The following MRE11 variants were observed in gnomAD, a reference collection of about 807,000 sequenced individuals.
MRE11 encodes MRE11 double strand break repair nuclease, also known as double-strand break repair protein MRE11.
MRE11 carries 62 observed loss-of-function variants against 91.7 expected under a neutral mutation model. The observed-to-expected ratio is 0.68, with a 90% confidence interval of 0.55 to 0.84. The LOEUF (loss-of-function observed/expected upper bound fraction) is 0.84. MRE11 is among the 40% of genes least tolerant of loss of function. The pLI, the probability that MRE11 is intolerant of heterozygous loss-of-function variation, is 0.00. For missense variants in MRE11, 796 were observed against 852.9 expected (o/e 0.93, Z 0.83); for synonymous variants, 273 against 271.4 (o/e 1.01, Z -0.06).
At chr11:94,489,303 A>C (rs1591724308) in intron 3 of MRE11, among the ~76,000 whole-genome samples, 1 of 151,900 alleles carries the variant, frequency 6.6e-6, no homozygotes, top group East Asian at 1.9e-4. Flanking sequence ...AGGGCCTCAG[A>C]GTAGAACATG....
chr11:94,475,560 G>C, intron 7 of MRE11: 1 of 455,198 alleles, frequency 2.2e-6, no homozygotes, highest in Non-Finnish European at 4.4e-6. Context: ...TTTTACTGCA[G>C]TGATCAGATA....
chr11:94,421,339 A>T (rs780496857), intron 19 of MRE11, among the ~76,000 whole-genome samples: 5 of 152,222 alleles, frequency 3.3e-5, no homozygotes, highest in Non-Finnish European at 5.9e-5. Context: ...AGCTAAATTA[A>T]CTATCTCTGA....
intron 10 of MRE11, among the ~76,000 whole-genome samples, chr11:94,464,804 A>G (rs1266486540): frequency 6.6e-6 from 1 of 152,206 alleles, no homozygotes. Context: ...AGAAGTCTGT[A>G]GTGGTAAACA....
chr11:94,423,727 T>TTC (rs2134753457), intron 19 of MRE11, among the ~76,000 whole-genome samples: 1 of 152,330 alleles, frequency 6.6e-6, no homozygotes, highest in East Asian at 1.9e-4. Context: ...CTGGGAGCAT[T>TTC]TCAGATTCCC....
rs556034234 is a variant in MRE11, at chr11:94,416,964, AT to A, written c.*3160del. The A allele has an allele frequency of 6.6e-6, 1 of 151,544 alleles. No homozygotes were observed. Among genetic ancestry groups the A allele is most frequent in the Non-Finnish European group, 1.5e-5 (1 of 67,920 alleles). 9.4% of individuals were successfully genotyped at this position (151,544 alleles called of 1,614,324 possible). A position where few individuals can be genotyped will look rare whatever the true frequency, so the allele number is the denominator to read the frequency against. The stretch of plus-strand genomic sequence containing the variant: ...TAAATTCTATATTTCCAAAAAAGAT[AT>A]TTTACATTTAGATACTTTTTTTTTT... On this transcript the variant is annotated 3_prime_UTR_variant, in exon 20 of 20. Transcript: ENST00000323929.
intron 11 of MRE11, among the ~76,000 whole-genome samples, chr11:94,461,809 C>T (rs1946422907): frequency 6.6e-6 from 1 of 152,310 alleles, no homozygotes; most frequent in African/African-American, 2.4e-5. Context: ...GGCGCGGTGG[C>T]TCACGCCTGT....
chr11:94,456,432 T>C (rs1480550028), intron 13 of MRE11, 94 bp from the exon 14 acceptor site: 2 of 974,008 alleles, frequency 2.1e-6, no homozygotes, highest in Non-Finnish European at 3.2e-6. Flanking sequence ...CTTTATGTTA[T>C]AAAACTTGCA....
chr11:94,473,300 C>G (rs1946765130), intron 7 of MRE11: 1 of 152,100 alleles, frequency 6.6e-6, no homozygotes, highest in African/African-American at 2.4e-5. Context: ...CCAAATACAA[C>G]ATGATGCCAT....
intron 14 of MRE11, among the ~76,000 whole-genome samples, chr11:94,451,518 G>C (rs1946105538): frequency 6.6e-6 from 1 of 152,050 alleles, no homozygotes. Flanking sequence ...ACAAAGAACT[G>C]CGTGCACAAA....
At position 94,485,917 on chromosome 11, in the gene MRE11, T is replaced by C; in HGVS notation, c.314+7A>G. 1.2e-6 allele frequency: 2 copies of C among 1,611,650 alleles called. No homozygotes were observed. Among genetic ancestry groups the C allele is most frequent in the Non-Finnish European group, 1.7e-6 (2 of 1,179,386 alleles). On this transcript the variant is annotated splice_region_variant and intron_variant, in intron 4 of 19. Transcript: ENST00000323929. ...AATCACTCACTCAAGTAAATAAATA[T>C]ACTTACTTACTAAAACCAAAGTTGA...
chr11:94,418,498 A>T lies in MRE11; in HGVS notation c.*1627T>A. On this transcript the variant is annotated 3_prime_UTR_variant, in exon 20 of 20. Coordinates refer to ENST00000323929, the MANE Select transcript of MRE11 (RefSeq NM_005591.4). ...CCCAGACCCACCTAACTGATGCATG[A>T]GAAGAGCCACTAGCTGATGTGGCCC... 4.3e-6 allele frequency: 1 copy of T among 232,610 alleles called. No individual in the cohort carries two copies. The highest frequency in any genetic ancestry group is 6.1e-5 in the East Asian group (1 of 16,498). The allele number at this position is 232,610 out of a possible 1,614,324, so 14.4% of individuals were successfully genotyped here.
rs1945414984 is a variant in MRE11, at chr11:94,429,831, T to A, written c.2070+80A>T. 7.3e-6 allele frequency: 9 copies of A among 1,238,990 alleles called. No individual in the cohort carries two copies. In the South Asian group the frequency reaches 1.3e-4, roughly 18 times the overall value. The allele number at this position is 1,238,990 out of a possible 1,614,324, so 76.7% of individuals were successfully genotyped here. On this transcript the variant is annotated intron_variant, in intron 19 of 19. Transcript: ENST00000323929. ...AAGTTATTTATCAAAGAAAAAAAAG[T>A]TCAGCAACTAGCTGGCAGTCTCTAT...
chr11:94,436,877 C>A (rs1319486239), intron 17 of MRE11, among the ~76,000 whole-genome samples: 2 of 152,174 alleles, frequency 1.3e-5, no homozygotes, highest in African/African-American at 4.8e-5. Flanking sequence ...CCATTGAACT[C>A]ACCTTCAATA....
At chr11:94,491,512 G>A (rs1287385533) in intron 2 of MRE11, among the ~76,000 whole-genome samples, 1 of 152,094 alleles carries the variant, frequency 6.6e-6, no homozygotes, top group African/African-American at 2.4e-5. Flanking sequence ...ATATTCAAAG[G>A]TACTTTAATG....
At chr11:94,490,632 C>G (rs1331479631) in intron 3 of MRE11, among the ~76,000 whole-genome samples, 1 of 152,194 alleles carries the variant, frequency 6.6e-6, no homozygotes, top group African/African-American at 2.4e-5. Flanking sequence ...TAAATTTTAA[C>G]AGACTATTTA....
rs201584818 is a variant in MRE11 at position 94,479,737 on chromosome 11, A to T, written c.339T>A (p.Asp113Glu). 1 of 1,612,866 alleles carries T rather than the reference A, an allele frequency of 6.2e-7. No homozygotes were observed. The highest frequency in any genetic ancestry group is 8.5e-7 in the Non-Finnish European group (1 of 1,179,728). Residue 113 changes from aspartate (D) to glutamate (E), a missense_variant, in exon 5 of 20, where the codon GAT (aspartate) becomes GAA (glutamate). Physicochemically the swap from Asp to Glu is conservative, Grantham distance 45. Transcript: ENST00000323929. ...CTGGAATTGAAATGTTGAGGTTGCC[A>T]TCTTGATAGTTCACCCATGGAAACC... ...FSKFPWVNYQDGNLNISIPVF... is the reference protein window; with the variant it reads ...FSKFPWVNYQEGNLNISIPVF...
chr11:94,477,218 C>A (rs1242921853), intron 6 of MRE11, among the ~76,000 whole-genome samples: 1 of 152,038 alleles, frequency 6.6e-6, no homozygotes, highest in African/African-American at 2.4e-5. Context: ...CTAATATATA[C>A]ATTATAACAT....
rs1219045448 is a variant in MRE11 at position 94,433,171 on chromosome 11, G to A, written c.1994+2661C>T. ...CCTCCATTTCACCTACCACCAGCCT[G>A]TGCAAGCCTCCATCGTCTCTCTTAG... On this transcript the variant is annotated intron_variant, in intron 18 of 19. Coordinates refer to ENST00000323929, the MANE Select transcript of MRE11 (RefSeq NM_005591.4). Among the ~76,000 whole-genome samples the A allele has an allele frequency of 2.0e-5, 3 of 152,198 alleles. No individual in the cohort carries two copies. In the East Asian group the frequency reaches 5.8e-4, roughly 29 times the overall value.
chr11:94,508,285 T>C, the MRE11 span, among the ~76,000 whole-genome samples: 1 of 152,180 alleles, frequency 6.6e-6, no homozygotes, highest in Non-Finnish European at 1.5e-5. Flanking sequence ...ACTATATCTA[T>C]TGCCTTCTTT....
Sources: gnomAD v4.1 joint callset for allele counts (sites outside exome capture counted in the v4.1 genomes callset) on GRCh38, gnomAD v4.1.1 for gene constraint, MANE v1.5 for transcripts, NCBI Gene and HGNC (gene_info 2026-07-23, HGNC 2026-07-21) for gene names.